The following CCSER1 variants were observed in gnomAD, a reference collection of about 807,000 sequenced individuals.
The protein encoded by CCSER1 is coiled-coil serine rich protein 1, also known as serine-rich coiled-coil domain-containing protein 1.
A neutral mutation model predicts 82.0 loss-of-function variants in CCSER1; 41 were observed. The ratio of observed to expected loss-of-function variants is 0.50; its 90% CI spans 0.39 to 0.65. The LOEUF is 0.65. CCSER1 is among the 30% of genes least tolerant of loss of function. CCSER1 has a pLI of 0.00. For synonymous variants in CCSER1, 414 were observed against 383.9 expected (o/e 1.08, Z -0.92); for missense variants, 1,119 against 1,064.2 (o/e 1.05, Z -0.72).
intron 10 of CCSER1, among the ~76,000 whole-genome samples, chr4:91,165,344 C>T (rs187678199): frequency 1.2e-4 from 19 of 152,288 alleles, no homozygotes; most frequent in Non-Finnish European, 2.1e-4. Flanking sequence ...AGAGGGGTGC[C>T]TGCCTGTATC....
chr4:91,475,041 G>A (rs547943346), intron 10 of CCSER1, among the ~76,000 whole-genome samples: 2 of 151,784 alleles, frequency 1.3e-5, no homozygotes, highest in African/African-American at 4.8e-5. Context: ...ATGTTGGAAG[G>A]AAGGTGAGAC....
rs367755224 is a variant in CCSER1, at chr4:91,366,025, G to C, written c.2218-232547G>C. Among the ~76,000 whole-genome samples, 17 of 152,152 alleles carry C rather than the reference G, an allele frequency of 1.1e-4. No individual in the cohort carries two copies. The South Asian group carries it at 2.7e-3, about 24-fold the overall frequency. On this transcript the variant is annotated intron_variant, in intron 10 of 10. Coordinates refer to ENST00000509176, the MANE Select transcript of CCSER1 (RefSeq NM_001145065.2). ...TCTTCTGAACTCTCACCTTCTTTGG[G>C]GGGTAGGGGTGAGATGGAGTTTTGC...
chr4:90,838,950 G>C (rs1273725629), intron 8 of CCSER1: 1 of 1,613,258 alleles, frequency 6.2e-7, no homozygotes, highest in African/African-American at 1.3e-5. Flanking sequence ...TCTTTGGAAG[G>C]CAGTGGATTT....
At chr4:91,008,983 C>T (rs10433882) in intron 9 of CCSER1, among the ~76,000 whole-genome samples, 50,262 of 152,066 alleles carry the variant, frequency 0.33, 9,307 homozygotes, top group East Asian at 0.43. Flanking sequence ...AGGACGAACC[C>T]GGGCACTTAG....
chr4:90,315,158 C>T (rs945133104), intron 3 of CCSER1, among the ~76,000 whole-genome samples: 5 of 151,986 alleles, frequency 3.3e-5, no homozygotes, highest in Non-Finnish European at 5.9e-5. Flanking sequence ...CCCTCCGATC[C>T]GCTTTTAAGA....
intron 10 of CCSER1, among the ~76,000 whole-genome samples, chr4:91,468,028 T>C (rs1006521311): frequency 1.3e-5 from 2 of 152,214 alleles, no homozygotes; most frequent in Non-Finnish European, 2.9e-5. Flanking sequence ...TTATAAATCA[T>C]GCTGCTATAA....
chr4:90,372,958 A>C (rs945931790), intron 3 of CCSER1, among the ~76,000 whole-genome samples: 9 of 132,972 alleles, frequency 6.8e-5, no homozygotes, highest in African/African-American at 2.3e-4. Context: ...GGAGATGCAA[A>C]CTGTTGCATT....
At chr4:90,186,505 A>G (rs1387988544) in intron 1 of CCSER1, among the ~76,000 whole-genome samples, 2 of 152,036 alleles carry the variant, frequency 1.3e-5, no homozygotes, top group Non-Finnish European at 2.9e-5. Context: ...TAACATATGA[A>G]TTAGAAACCA....
At chr4:90,149,857 G>A (rs1317131967) in intron 1 of CCSER1, among the ~76,000 whole-genome samples, 1 of 152,102 alleles carries the variant, frequency 6.6e-6, no homozygotes, top group Non-Finnish European at 1.5e-5. Flanking sequence ...AGTTAAGTCT[G>A]CATTGTATGT....
chr4:91,501,543 G>T (rs1235028063), intron 10 of CCSER1, among the ~76,000 whole-genome samples: 1 of 151,740 alleles, frequency 6.6e-6, no homozygotes, highest in South Asian at 2.1e-4. Flanking sequence ...AATAGGACAG[G>T]TATTTATTTG....
chr4:90,207,940 G>C (rs1739213825), intron 1 of CCSER1, among the ~76,000 whole-genome samples: 1 of 152,178 alleles, frequency 6.6e-6, no homozygotes. Context: ...GTCGACCCCT[G>C]CTGGGAGGTG....
chr4:90,795,955 T>C (rs1171343986), intron 7 of CCSER1, among the ~76,000 whole-genome samples: 1 of 152,166 alleles, frequency 6.6e-6, no homozygotes, highest in Admixed American at 6.5e-5. Flanking sequence ...CCTGAAGTTT[T>C]TTGTTGTTGT....
chr4:90,748,959 T>A (rs1748054566), intron 7 of CCSER1, among the ~76,000 whole-genome samples: 1 of 150,464 alleles, frequency 6.6e-6, no homozygotes, highest in Non-Finnish European at 1.5e-5. Context: ...ATGAGTAGGT[T>A]GCGAAAATTT....
chr4:90,895,666 C>T (rs1723602128), intron 8 of CCSER1, among the ~76,000 whole-genome samples: 1 of 151,724 alleles, frequency 6.6e-6, no homozygotes, highest in Admixed American at 6.6e-5. Context: ...GTAGAGTAAA[C>T]ATAGTTGAGG....
chr4:90,899,412 C>T (rs545810870), intron 8 of CCSER1, among the ~76,000 whole-genome samples: 1 of 152,118 alleles, frequency 6.6e-6, no homozygotes, highest in South Asian at 2.1e-4. Context: ...GATAGTTTGA[C>T]TTCCTCTCTT....
At chr4:91,089,028 A>G (rs571605660) in intron 10 of CCSER1, among the ~76,000 whole-genome samples, 126 of 152,280 alleles carry the variant, frequency 8.3e-4, no homozygotes, top group African/African-American at 2.7e-3. Flanking sequence ...ACAAAACCCC[A>G]CAGACACCGA....
chr4:91,329,948 C>T (rs1262296547), intron 10 of CCSER1, among the ~76,000 whole-genome samples: 2 of 151,902 alleles, frequency 1.3e-5, no homozygotes, highest in Non-Finnish European at 2.9e-5. Flanking sequence ...ATTGCTCCTC[C>T]TTTATTTTTC....
chr4:90,627,685 AACT>A (rs1209149677), intron 5 of CCSER1, among the ~76,000 whole-genome samples: 1 of 152,102 alleles, frequency 6.6e-6, no homozygotes, highest in Non-Finnish European at 1.5e-5. Context: ...AATTTTAAAA[AACT>A]ACTATCATGA....
chr4:91,541,084 A>G (rs367662087), intron 10 of CCSER1, among the ~76,000 whole-genome samples: 52 of 152,286 alleles, frequency 3.4e-4, no homozygotes, highest in East Asian at 1.9e-3. Flanking sequence ...AAAATAGCTT[A>G]CTGTTATTTC....
Sources: allele counts gnomAD v4.1 joint callset (sites outside exome capture counted in the v4.1 genomes callset), GRCh38; gene constraint gnomAD v4.1.1; transcripts MANE v1.5; gene names NCBI Gene and HGNC (gene_info 2026-07-23, HGNC 2026-07-21).